Variants in VPS53 observed in about 807,000 individuals in gnomAD.
VPS53 encodes the protein vacuolar protein sorting-associated protein 53 homolog.
Under a neutral mutation model 107.0 loss-of-function variants are expected in VPS53, and 70 were observed. The ratio of observed to expected loss-of-function variants is 0.65; its 90% CI spans 0.54 to 0.80. The LOEUF (loss-of-function observed/expected upper bound fraction) is 0.80. Ranked by LOEUF, VPS53 falls within the 30% of genes least tolerant of loss-of-function variation. The pLI, the probability that VPS53 is intolerant of heterozygous loss-of-function variation, is 0.00. For missense variants in VPS53, 917 were observed against 1,049.4 expected, an observed-to-expected ratio of 0.87 and a Z score of 1.74; for synonymous variants, 409 against 393.3, an observed-to-expected ratio of 1.04 and a Z score of -0.47.
At chr17:540,430 C>T (rs1276594871) in intron 17 of VPS53, 1 of 152,094 alleles carries the variant, frequency 6.6e-6, no homozygotes, top group Non-Finnish European at 1.5e-5. Flanking sequence ...GTCTTGAACT[C>T]CTGGGTTCAA....
chr17:655,845 A>C lies in VPS53; in HGVS notation c.481T>G (p.Ser161Ala), dbSNP rs777900088. Residue 161 changes from serine to alanine, a missense_variant, in exon 6 of 22, where the codon TCC becomes GCC. Physicochemically the swap from Ser to Ala is moderately conservative, Grantham distance 99 (BLOSUM62 1). Transcript: ENST00000437048. ...HLHMLAGGVDSLEAMTRRRQY... is the reference protein window; with the variant it reads ...HLHMLAGGVDALEAMTRRRQY... ...AAAGTTGGCATTGCTTACTCGAGGG[A>C]GTCGACACCTCCTGCCAGCATGTGC... is the stretch of plus-strand genomic sequence containing the variant. 30 of 1,612,760 alleles carry C rather than the reference A, an allele frequency of 1.9e-5. No individual in the cohort carries two copies. The highest frequency in any genetic ancestry group is 2.4e-5 in the Non-Finnish European group (28 of 1,179,454).
intron 13 of VPS53, among the ~76,000 whole-genome samples, chr17:584,578 T>G (rs753042204): frequency 1.3e-5 from 2 of 152,242 alleles, no homozygotes; most frequent in South Asian, 2.1e-4. Context: ...CCAAGCTGGG[T>G]GGCATAGTGA....
intron 7 of VPS53, among the ~76,000 whole-genome samples, chr17:652,042 G>A (rs1970973250): frequency 6.6e-6 from 1 of 151,512 alleles, no homozygotes; most frequent in Non-Finnish European, 1.5e-5. Context: ...TGTCGCCCAG[G>A]CTAGAGTACA....
At chr17:671,877 C>T (rs755706282) in intron 4 of VPS53, among the ~76,000 whole-genome samples, 18 of 151,982 alleles carry the variant, frequency 1.2e-4, no homozygotes, top group Admixed American at 3.9e-4. Context: ...TTAGTAGAGA[C>T]GGGGTTTCAC....
chr17:627,229 G>C lies in VPS53; in HGVS notation c.919C>G (p.Pro307Ala). The C allele has an allele frequency of 6.2e-7, 1 of 1,614,108 alleles. No individual in the cohort carries two copies. Among genetic ancestry groups the C allele is most frequent in the Non-Finnish European group, 8.5e-7 (1 of 1,180,026 alleles). The change falls in exon 10 of 22, where the codon CCA becomes GCA. Residue 307 changes from proline to alanine, a missense_variant. Physicochemically the swap from Pro to Ala is conservative, Grantham distance 27. Coordinates refer to ENST00000437048, the MANE Select transcript of VPS53 (RefSeq NM_001128159.3). ...DYEEKYGRMF[P>A]REWCMAERIA... is the part of the protein sequence containing the mutation. Reference sequence around the variant, plus strand: ...CTCTCAGCCATGCACCACTCACGTGGAAACATGCGGCCGTATTTCTCCTCA... The same window carrying C: ...CTCTCAGCCATGCACCACTCACGTGCAAACATGCGGCCGTATTTCTCCTCA...
At chr17:669,900 A>C (rs9912816) in intron 4 of VPS53, among the ~76,000 whole-genome samples, 1 of 151,914 alleles carries the variant, frequency 6.6e-6, no homozygotes, top group East Asian at 1.9e-4. Context: ...AAAAAAAAAA[A>C]AAGAAGAAAA....
intron 11 of VPS53, among the ~76,000 whole-genome samples, chr17:604,146 A>G (rs1968453951): frequency 6.6e-6 from 1 of 152,218 alleles, no homozygotes. Context: ...TTACATAAAG[A>G]TGGGCCTCGT....
intron 8 of VPS53, among the ~76,000 whole-genome samples, chr17:630,312 CA>C (rs576863272): frequency 1.9e-4 from 28 of 144,118 alleles, no homozygotes; most frequent in South Asian, 2.2e-4. Context: ...AACAAACAAA[CA>C]AAAAAAAAAA....
chr17:570,823 C>T (rs1157960721), intron 13 of VPS53, among the ~76,000 whole-genome samples: 1 of 152,144 alleles, frequency 6.6e-6, no homozygotes, highest in Non-Finnish European at 1.5e-5. Context: ...TACTGTATCA[C>T]TGTGAATTCC....
intron 11 of VPS53, among the ~76,000 whole-genome samples, chr17:612,171 T>C (rs1261800332): frequency 1.3e-5 from 2 of 149,236 alleles, no homozygotes; most frequent in African/African-American, 2.5e-5. Context: ...CAAATATTCA[T>C]AGTGAGTTCA....
chr17:632,549 AAATAAAC>A (rs1479216398), intron 7 of VPS53, among the ~76,000 whole-genome samples: 1 of 152,130 alleles, frequency 6.6e-6, no homozygotes, highest in Non-Finnish European at 1.5e-5. Flanking sequence ...AGTTATTTTT[AAATAAAC>A]AATAAATTAT....
chr17:606,728 A>G (rs79063591), intron 11 of VPS53, among the ~76,000 whole-genome samples: 1,634 of 152,308 alleles, frequency 0.011, 35 homozygotes, highest in African/African-American at 0.037. Context: ...GCCTCCTGTC[A>G]GGTCTCATAG....
At chr17:691,225 C>T (rs1179164270) in intron 4 of VPS53, among the ~76,000 whole-genome samples, 1 of 152,200 alleles carries the variant, frequency 6.6e-6, no homozygotes, top group African/African-American at 2.4e-5. Flanking sequence ...AGGGATTAGG[C>T]TTACACCCAT....
In VPS53 at chr17:517,408, T is replaced by C. The variant is rs944069161; in HGVS notation, c.*1720A>G. On this transcript the variant is annotated 3_prime_UTR_variant, in exon 22 of 22. Coordinates refer to ENST00000437048, the MANE Select transcript of VPS53 (RefSeq NM_001128159.3). ...AGAGGGCAGGGGCACAGAGCAGTGG[T>C]TATGTTGGGAAACAAGGTGGGGATG... 19 of 399,442 alleles carry C rather than the reference T, an allele frequency of 4.8e-5. No homozygotes were observed. The highest frequency in any genetic ancestry group is 6.2e-5 in the Non-Finnish European group (14 of 226,490). 24.7% of individuals were successfully genotyped at this position (399,442 alleles called of 1,614,324 possible). A position where few individuals can be genotyped will look rare whatever the true frequency, so the allele number is the denominator to read the frequency against.
intron 19 of VPS53, chr17:523,186 C>G (rs565082642): frequency 2.0e-4 from 31 of 153,028 alleles, no homozygotes; most frequent in African/African-American, 7.5e-4. Flanking sequence ...CTGCTGCCGC[C>G]GCTGCTCTTG....
At chr17:670,855 T>TA (rs1176138457) in intron 4 of VPS53, among the ~76,000 whole-genome samples, 1 of 152,170 alleles carries the variant, frequency 6.6e-6, no homozygotes, top group African/African-American at 2.4e-5. Flanking sequence ...GGGAGAAAAT[T>TA]AGATTTTTCC....
At chr17:573,219 A>G (rs1170826742) in intron 13 of VPS53, among the ~76,000 whole-genome samples, 7 of 152,190 alleles carry the variant, frequency 4.6e-5, no homozygotes, top group Non-Finnish European at 2.9e-5. Flanking sequence ...GAAAGTGCCT[A>G]TGTAGAAATT....
At chr17:574,194 C>T (rs1218087919) in intron 13 of VPS53, among the ~76,000 whole-genome samples, 1 of 152,180 alleles carries the variant, frequency 6.6e-6, no homozygotes, top group Non-Finnish European at 1.5e-5. Flanking sequence ...ACAGCCTGCG[C>T]AGTATCTGCT....
rs577774668 is a variant in VPS53 at position 652,248 on chromosome 17, G to T, written c.608+1043C>A. ...GACCTCGGGTGATCCACCCGCCTCG[G>T]CCTCCCAAAGTGCTGGGATTACAGG... On this transcript the variant is annotated intron_variant, in intron 7 of 21. Transcript: ENST00000437048. Among the ~76,000 whole-genome samples, 3 of 152,262 alleles carry T rather than the reference G, an allele frequency of 2.0e-5. No individual in the cohort carries two copies. In the South Asian group the frequency reaches 6.2e-4, roughly 32 times the overall value.
Sources: allele counts gnomAD v4.1 joint callset (sites outside exome capture counted in the v4.1 genomes callset), GRCh38; gene constraint gnomAD v4.1.1; transcripts MANE v1.5; gene names NCBI Gene and HGNC (gene_info 2026-07-23, HGNC 2026-07-21).